Variants in RFTN2 observed in about 807,000 individuals in gnomAD.
RFTN2 encodes raftlin family member 2, also known as raftlin-2.
Under a neutral mutation model 52.7 loss-of-function variants are expected in RFTN2, and 34 were observed. The observed-to-expected ratio is 0.64, with a 90% CI of 0.49 to 0.86. The LOEUF is 0.86. Among genes scored for constraint, RFTN2 ranks in the 40% least tolerant of loss-of-function variants. RFTN2 has a pLI of 0.00. For missense variants in RFTN2, 536 were observed against 600.1 expected (o/e 0.89, Z 1.12); for synonymous variants, 203 against 217.7 (o/e 0.93, Z 0.59).
intron 5 of RFTN2, among the ~76,000 whole-genome samples, chr2:197,621,402 T>G (rs980780822): frequency 5.8e-5 from 1 of 17,282 alleles, no homozygotes; most frequent in Non-Finnish European, 1.4e-4. Flanking sequence ...CAGATACCGG[T>G]TTTTTTTTTT....
chr2:197,663,426 G>C (rs1032759441), intron 1 of RFTN2, among the ~76,000 whole-genome samples: 1 of 152,204 alleles, frequency 6.6e-6, no homozygotes, highest in African/African-American at 2.4e-5. Flanking sequence ...ATGTGGTAGT[G>C]AATCTGTCCA....
Position 197,570,195 on chromosome 2 carries a change from T to G in RFTN2, c.*1813A>C, listed in dbSNP as rs2087294284. 1 of 152,150 alleles carries G rather than the reference T, an allele frequency of 6.6e-6. No homozygotes were observed. Among genetic ancestry groups the G allele is most frequent in the African/African-American group, 2.4e-5 (1 of 41,432 alleles). 9.4% of individuals were successfully genotyped at this position (152,150 alleles called of 1,614,324 possible). A position where few individuals can be genotyped will look rare whatever the true frequency, so the allele number is the denominator to read the frequency against. ...CTACCAAAAATCCACTAACTCTTGA[T>G]TATGGAACTCAAGTCCATCTAAAAG... On this transcript the variant is annotated 3_prime_UTR_variant, in exon 9 of 9. Coordinates refer to ENST00000295049, the MANE Select transcript of RFTN2 (RefSeq NM_144629.3).
chr2:197,591,776 G>A lies in RFTN2; in HGVS notation c.1233+4215C>T, dbSNP rs114887997. On this transcript the variant is annotated intron_variant, in intron 8 of 8. Coordinates refer to ENST00000295049, the MANE Select transcript of RFTN2 (RefSeq NM_144629.3). Reference sequence around the variant, plus strand: ...GGCTGGCACTGCTGTGGGACCCGGCGCACCCTCCATAGCTGCTGGCCTGGG... The same window carrying A: ...GGCTGGCACTGCTGTGGGACCCGGCACACCCTCCATAGCTGCTGGCCTGGG... Among the ~76,000 whole-genome samples, 632 of 152,250 alleles carry A rather than the reference G, an allele frequency of 4.2e-3. 8 individuals are homozygous for A. Among genetic ancestry groups the A allele is most frequent in the African/African-American group, 0.014 (584 of 41,546 alleles).
chr2:197,672,570 C>T (rs755364717), intron 1 of RFTN2, among the ~76,000 whole-genome samples: 30 of 152,178 alleles, frequency 2.0e-4, no homozygotes, highest in Non-Finnish European at 3.7e-4. Flanking sequence ...TAATCTTTAT[C>T]AAGTGCTTAC....
At chr2:197,654,096 A>G (rs1024234532) in intron 1 of RFTN2, among the ~76,000 whole-genome samples, 1 of 152,264 alleles carries the variant, frequency 6.6e-6, no homozygotes, top group Non-Finnish European at 1.5e-5. Flanking sequence ...GGCCTGGCCA[A>G]GGAAAATTAG....
intron 7 of RFTN2, among the ~76,000 whole-genome samples, chr2:197,610,348 A>G (rs1036712059): frequency 2.6e-5 from 4 of 152,056 alleles, no homozygotes; most frequent in African/African-American, 9.7e-5. Context: ...TGTAAGTTGG[A>G]TTCCTAGGTA....
chr2:197,579,404 A>G, intron 8 of RFTN2, among the ~76,000 whole-genome samples: 1 of 152,294 alleles, frequency 6.6e-6, no homozygotes, highest in East Asian at 1.9e-4. Flanking sequence ...TCAAGAACTT[A>G]AAACCTCTTC....
At chr2:197,599,161 G>A (rs2087841014) in intron 7 of RFTN2, among the ~76,000 whole-genome samples, 1 of 151,960 alleles carries the variant, frequency 6.6e-6, no homozygotes, top group South Asian at 2.1e-4. Context: ...CCGTGGACTC[G>A]ATCTCCTGAC....
rs557110875 is a variant in RFTN2 at position 197,638,072 on chromosome 2, G to T, written c.439-4075C>A. On this transcript the variant is annotated intron_variant, in intron 3 of 8. Coordinates refer to ENST00000295049, the MANE Select transcript of RFTN2 (RefSeq NM_144629.3). Reference sequence around the variant, plus strand: ...CTTTGAGTGAAATTCTTAATTCTGAGTTCTACTTTGTTTGCACTGTGGTCT... The same window carrying T: ...CTTTGAGTGAAATTCTTAATTCTGATTTCTACTTTGTTTGCACTGTGGTCT... 1.1e-3 allele frequency among the ~76,000 whole-genome samples: 167 copies of T among 151,584 alleles called. 4 individuals are homozygous for T. The South Asian group carries it at 0.034, about 31-fold the overall frequency.
At position 197,675,351 on chromosome 2, in the gene RFTN2, G is replaced by A. The variant is rs762039291; in HGVS notation, c.108C>T (p.Tyr36=). 1.9e-5 allele frequency: 30 copies of A among 1,602,916 alleles called. No homozygotes were observed. The highest frequency in any genetic ancestry group is 3.3e-4 in the Middle Eastern group (2 of 6,040). The change falls in exon 1 of 9, where the codon TAC becomes TAT. Residue 36 remains tyrosine, a synonymous_variant. Transcript: ENST00000295049. ...GAGTAAAATCCAGCAATACATATTC[G>A]TAAGCAAATTCTGTCTTTGTTTCCA... is the stretch of plus-strand genomic sequence containing the variant. ...PQVETKTEFA[Y]EYVLLDFTLQ...
intron 5 of RFTN2, 33 bp from the exon 6 acceptor site, chr2:197,617,954 G>A (rs1290428343): frequency 3.2e-6 from 5 of 1,541,930 alleles, no homozygotes; most frequent in African/African-American, 1.4e-5. Context: ...AAGAAGGGTT[G>A]TAAATACTAA....
intron 5 of RFTN2, among the ~76,000 whole-genome samples, chr2:197,626,562 C>CAGATAAAT (rs1553602695): frequency 3.2e-5 from 4 of 124,038 alleles, no homozygotes; most frequent in Non-Finnish European, 3.2e-5. Context: ...ACCCCATCTA[C>CAGATAAAT]AAATAAATAA....
At chr2:197,646,913 A>AC (rs1353940553) in intron 1 of RFTN2, among the ~76,000 whole-genome samples, 2 of 145,510 alleles carry the variant, frequency 1.4e-5, no homozygotes, top group Non-Finnish European at 3.1e-5. Flanking sequence ...AAAAAAAAAA[A>AC]AAAAAAACTC....
chr2:197,587,676 T>C (rs539628052), intron 8 of RFTN2, among the ~76,000 whole-genome samples: 1 of 152,326 alleles, frequency 6.6e-6, no homozygotes, highest in African/African-American at 2.4e-5. Context: ...AAAAGCTTTA[T>C]TGCTCACACA....
chr2:197,607,049 T>C (rs910691822), intron 7 of RFTN2, among the ~76,000 whole-genome samples: 12 of 152,208 alleles, frequency 7.9e-5, no homozygotes, highest in Non-Finnish European at 1.8e-4. Flanking sequence ...ATTGTGGGAC[T>C]ATTCACAATA....
At chr2:197,668,524 A>G (rs1396294776) in intron 1 of RFTN2, among the ~76,000 whole-genome samples, 1 of 152,114 alleles carries the variant, frequency 6.6e-6, no homozygotes, top group Non-Finnish European at 1.5e-5. Context: ...TGGGCGTGGT[A>G]GCCTGTGGTC....
chr2:197,668,076 G>A (rs991182968), intron 1 of RFTN2, among the ~76,000 whole-genome samples: 2 of 152,160 alleles, frequency 1.3e-5, no homozygotes, highest in Admixed American at 1.3e-4. Context: ...CAGTGTCTGT[G>A]GTGGGCTGTG....
At chr2:197,587,910 G>A in intron 8 of RFTN2, 1 of 450,202 alleles carries the variant, frequency 2.2e-6, no homozygotes, top group Non-Finnish European at 4.5e-6. Flanking sequence ...TTCTACAGAG[G>A]TGGGGCCCAG....
chr2:197,659,033 T>C (rs1445473159), intron 1 of RFTN2, among the ~76,000 whole-genome samples: 2 of 152,126 alleles, frequency 1.3e-5, no homozygotes, highest in Non-Finnish European at 2.9e-5. Context: ...TTTTTAAAAA[T>C]AGAAAAAGTC....
Sources: gnomAD v4.1 joint callset for allele counts (sites outside exome capture counted in the v4.1 genomes callset) on GRCh38, gnomAD v4.1.1 for gene constraint, MANE v1.5 for transcripts, NCBI Gene and HGNC (gene_info 2026-07-23, HGNC 2026-07-21) for gene names.